The following OSBPL10 variants were observed in gnomAD, a reference collection of about 807,000 sequenced individuals.
The protein encoded by OSBPL10 is oxysterol binding protein like 10.
In OSBPL10, 49 loss-of-function variants were observed where a neutral mutation model predicts 81.7. The ratio of observed to expected loss-of-function variants is 0.60; its 90% CI spans 0.48 to 0.76. The LOEUF (loss-of-function observed/expected upper bound fraction) is 0.76, where lower values mean the gene tolerates loss of function less well. OSBPL10 is among the 30% of genes least tolerant of loss of function. OSBPL10 has a pLI of 0.00. For missense variants in OSBPL10, 923 were observed against 987.8 expected (o/e 0.93, Z 0.88); for synonymous variants, 419 against 383.6 (o/e 1.09, Z -1.08).
At position 31,871,094 on chromosome 3, in the gene OSBPL10, C is replaced by A. The variant is rs568915468; in HGVS notation, c.537+5339G>T. Reference sequence around the variant, plus strand: ...CAGATAAGAGAATAAAAGCAGGCTGCCCAAACCAGCAGTGGCAACCCGTTC... The same window carrying A: ...CAGATAAGAGAATAAAAGCAGGCTGACCAAACCAGCAGTGGCAACCCGTTC... On this transcript the variant is annotated intron_variant, in intron 3 of 11. Transcript: ENST00000396556. 5.8e-4 allele frequency among the ~76,000 whole-genome samples: 88 copies of A among 152,122 alleles called. No individual in the cohort carries two copies. In the Middle Eastern group the frequency reaches 0.014, roughly 24 times the overall value.
intron 3 of OSBPL10, 53 bp from the exon 4 acceptor site, chr3:31,830,284 T>A: frequency 3.3e-6 from 5 of 1,514,446 alleles, no homozygotes; most frequent in Non-Finnish European, 4.5e-6. Context: ...AGAACACAAC[T>A]AAGTGTTGGC....
chr3:32,005,134 T>C (rs1214566564), intron 2 of OSBPL10, among the ~76,000 whole-genome samples: 5 of 152,170 alleles, frequency 3.3e-5, no homozygotes, highest in Non-Finnish European at 7.3e-5. Flanking sequence ...TAGGTATACG[T>C]GTGCCATGGT....
upstream of OSBPL10, among the ~76,000 whole-genome samples, chr3:31,982,877 T>C (rs12632539): frequency 0.084 from 12,870 of 152,318 alleles, 1,068 homozygotes; most frequent in East Asian, 0.47. Flanking sequence ...ACATGGACCT[T>C]AGGCTTGGCC....
At chr3:31,693,786 A>C (rs1038485168) in intron 7 of OSBPL10, among the ~76,000 whole-genome samples, 1 of 152,152 alleles carries the variant, frequency 6.6e-6, no homozygotes, top group African/African-American at 2.4e-5. Flanking sequence ...AAATTTTTTT[A>C]AGATAAGGTC....
chr3:31,871,870 A>ACACACACACATGCACACG (rs1701335965), intron 3 of OSBPL10, among the ~76,000 whole-genome samples: 1 of 152,174 alleles, frequency 6.6e-6, no homozygotes, highest in African/African-American at 2.4e-5. Flanking sequence ...CAAAACACAC[A>ACACACACACATGCACACG]CACACACATG....
At chr3:31,905,414 A>G (rs1696380724) in intron 1 of OSBPL10, among the ~76,000 whole-genome samples, 1 of 144,406 alleles carries the variant, frequency 6.9e-6, no homozygotes, top group South Asian at 2.2e-4. Context: ...TAGTGGCACA[A>G]TCTTGGCTCA....
Position 31,712,357 on chromosome 3 carries a change from T to C in OSBPL10, c.1096-9849A>G, listed in dbSNP as rs533055977. Reference sequence around the variant, plus strand: ...CACATCCTAATTCCCGGAACCTGTGTATACGGCACTTTAAGTGACAAGGGG... The same window carrying C: ...CACATCCTAATTCCCGGAACCTGTGCATACGGCACTTTAAGTGACAAGGGG... On this transcript the variant is annotated intron_variant, in intron 6 of 11. Transcript: ENST00000396556. 3.1e-4 allele frequency among the ~76,000 whole-genome samples: 47 copies of C among 152,322 alleles called. 2 individuals are homozygous for C. In the South Asian group the frequency reaches 7.5e-3, roughly 24 times the overall value.
rs185724947 is a variant in OSBPL10 at position 31,833,877 on chromosome 3, T to C, written c.538-3646A>G. 1.8e-3 allele frequency among the ~76,000 whole-genome samples: 281 copies of C among 152,284 alleles called. 1 individual carries two copies. Among genetic ancestry groups the C allele is most frequent in the African/African-American group, 6.5e-3 (270 of 41,556 alleles). On this transcript the variant is annotated intron_variant, in intron 3 of 11. Transcript: ENST00000396556. ...AATCAGATTCACCCAAGAGCAAAAT[T>C]ATTCCACGGTGGATGTCTAAAACCA...
chr3:32,065,044 C>A (rs1699768178), intron 1 of OSBPL10: 1 of 92,942 alleles, frequency 1.1e-5, no homozygotes, highest in Admixed American at 1.3e-4. Flanking sequence ...TAATCTCTTC[C>A]TGAGTAATTT....
chr3:32,040,134 C>T (rs1047167183), intron 2 of OSBPL10, among the ~76,000 whole-genome samples: 43 of 152,188 alleles, frequency 2.8e-4, no homozygotes, highest in African/African-American at 8.2e-4. Flanking sequence ...AGGCCAGGCA[C>T]GGTGGCTCAT....
At position 31,670,949 on chromosome 3, in the gene OSBPL10, G is replaced by C. The variant is rs765928830; in HGVS notation, c.1761C>G (p.Tyr587Ter). The C allele has an allele frequency of 6.2e-7, 1 of 1,613,674 alleles. No individual in the cohort carries two copies. Among genetic ancestry groups the C allele is most frequent in the Admixed American group, 1.7e-5 (1 of 59,986 alleles). The change falls in exon 9 of 12, where the codon TAC becomes TAG. Residue 587 changes from tyrosine to a stop codon, truncating the protein, a stop_gained. Transcript: ENST00000396556. LOFTEE classifies it high-confidence loss of function. ...CGTAGGCACTAGGCAGGGTGAATAC[G>C]TACTCCTCCCCGTGTTCCAGGAGCC... ...VLRLLEHGEE[Y>*]VFTLPSAYAR...
intron 4 of OSBPL10, among the ~76,000 whole-genome samples, chr3:31,767,364 T>C (rs952485526): frequency 1.3e-5 from 2 of 152,228 alleles, no homozygotes; most frequent in Non-Finnish European, 2.9e-5. Context: ...AATATAATTG[T>C]GTGTAATTCT....
intron 7 of OSBPL10, among the ~76,000 whole-genome samples, chr3:31,689,800 G>A (rs1695467142): frequency 6.6e-6 from 1 of 152,164 alleles, no homozygotes. Context: ...GGCCTCCCCA[G>A]CCATTTGGAA....
At chr3:31,820,799 A>ATG (rs1699965913) in intron 4 of OSBPL10, among the ~76,000 whole-genome samples, 1 of 152,072 alleles carries the variant, frequency 6.6e-6, no homozygotes, top group African/African-American at 2.4e-5. Context: ...GTGCAAGGTG[A>ATG]GAAACTCCTT....
chr3:31,974,655 A>C (rs1255690812), intron 1 of OSBPL10, among the ~76,000 whole-genome samples: 1 of 152,188 alleles, frequency 6.6e-6, no homozygotes, highest in Non-Finnish European at 1.5e-5. Context: ...CATATTACAC[A>C]ATACACAGTT....
intron 1 of OSBPL10, among the ~76,000 whole-genome samples, chr3:31,898,004 G>C (rs1447215155): frequency 1.8e-5 from 1 of 54,376 alleles, no homozygotes; most frequent in Non-Finnish European, 3.5e-5. Context: ...CGAGAACTCT[G>C]TCAAAAAAAA....
chr3:31,685,147 A>G (rs1258586151), intron 7 of OSBPL10, among the ~76,000 whole-genome samples: 1 of 152,200 alleles, frequency 6.6e-6, no homozygotes, highest in Non-Finnish European at 1.5e-5. Flanking sequence ...AAAGAAGAGA[A>G]AGTCCATTTT....
chr3:31,833,748 CT>C (rs1559484755), intron 3 of OSBPL10, among the ~76,000 whole-genome samples: 16 of 151,784 alleles, frequency 1.1e-4, no homozygotes, highest in African/African-American at 3.9e-4. Context: ...CTCTCTCTCT[CT>C]TCTAATTCTG....
intron 1 of OSBPL10, among the ~76,000 whole-genome samples, chr3:31,943,226 T>C (rs747791581): frequency 7.2e-5 from 11 of 152,248 alleles, no homozygotes; most frequent in Non-Finnish European, 1.3e-4. Context: ...CCATTGTGCA[T>C]ATAAACCACA....
Sources: gnomAD v4.1 joint callset for allele counts (sites outside exome capture counted in the v4.1 genomes callset) on GRCh38, gnomAD v4.1.1 for gene constraint, MANE v1.5 for transcripts, NCBI Gene and HGNC (gene_info 2026-07-23, HGNC 2026-07-21) for gene names.